Variants in CNTN3 observed in about 807,000 individuals in gnomAD.
CNTN3 encodes the protein contactin 3.
A neutral mutation model predicts 119.1 loss-of-function variants in CNTN3; 60 were observed. That is an observed-to-expected ratio of 0.50 (90% confidence interval 0.41 to 0.62). CNTN3 has a LOEUF of 0.62. Among genes scored for constraint, CNTN3 ranks in the 20% least tolerant of loss-of-function variants. CNTN3 has a pLI of 0.00. For missense variants in CNTN3, 1,101 were observed against 1,242.4 expected (o/e 0.89, Z 1.71); for synonymous variants, 450 against 438.7 (o/e 1.03, Z -0.32).
chr3:74,605,474 C>A (rs1423585813), intron 1 of CNTN3, among the ~76,000 whole-genome samples: 1 of 152,004 alleles, frequency 6.6e-6, no homozygotes, highest in Non-Finnish European at 1.5e-5. Context: ...GCATAAACTA[C>A]CCCCAAAATA....
At chr3:74,266,433 T>C (rs979936757) in intron 22 of CNTN3, 48 bp downstream of exon 22, 3 of 1,544,242 alleles carry the variant, frequency 1.9e-6, no homozygotes, top group African/African-American at 2.7e-5. Flanking sequence ...CTATGGCGGA[T>C]AGTAACACTG....
chr3:74,574,499 A>G, intron 1 of CNTN3, among the ~76,000 whole-genome samples: 1 of 152,184 alleles, frequency 6.6e-6, no homozygotes, highest in East Asian at 1.9e-4. Context: ...TCCCTGCTTT[A>G]TGTTTCATTA....
At position 74,486,546 on chromosome 3, in the gene CNTN3, T is replaced by G; in HGVS notation, c.268A>C (p.Asn90His). 6.2e-7 allele frequency: 1 copy of G among 1,610,618 alleles called. No homozygotes were observed. Among genetic ancestry groups the G allele is most frequent in the Non-Finnish European group, 8.5e-7 (1 of 1,179,248 alleles). Residue 90 changes from asparagine (N) to histidine (H), a missense_variant, in exon 4 of 23, where the codon AAC becomes CAC. Transcript: ENST00000263665. ...NGGNLVVINP[N>H]RNWDTGTYQC... ...TAAGTTCCTGTATCCCAATTTCTGT[T>G]GGGATTAATAACCACAAGATTTCCT...
At chr3:74,497,966 T>C (rs1407846725) in intron 3 of CNTN3, among the ~76,000 whole-genome samples, 1 of 151,854 alleles carries the variant, frequency 6.6e-6, no homozygotes, top group Non-Finnish European at 1.5e-5. Flanking sequence ...CTCAAGACCT[T>C]TGGCTATTTG....
chr3:74,264,457 G>C lies in CNTN3; in HGVS notation c.3031C>G (p.Pro1011Ala), dbSNP rs114454492. Residue 1011 changes from proline (P) to alanine (A), a missense_variant, in exon 23 of 23, where the codon CCT becomes GCT. Physicochemically the swap from Pro to Ala is conservative, Grantham distance 27. Coordinates refer to ENST00000263665, the MANE Select transcript of CNTN3 (RefSeq NM_020872.3). ...GSTSAISNVH[P>A]MSSYMPIVLF... ...ACTATAGGCATATAACTTGACATAG[G>C]GTGGACATTCGAGATGGCTGAAGTG... is the stretch of plus-strand genomic sequence containing the variant. 1 of 1,611,918 alleles carries C rather than the reference G, an allele frequency of 6.2e-7. No homozygotes were observed. The highest frequency in any genetic ancestry group is 8.5e-7 in the Non-Finnish European group (1 of 1,178,650).
At chr3:74,371,879 T>C (rs1704347176) in intron 5 of CNTN3, among the ~76,000 whole-genome samples, 1 of 152,130 alleles carries the variant, frequency 6.6e-6, no homozygotes, top group Admixed American at 6.5e-5. Flanking sequence ...TGCTCTCTTT[T>C]GTCCCTGAGT....
intron 2 of CNTN3, among the ~76,000 whole-genome samples, chr3:74,518,593 G>A (rs1298657813): frequency 3.3e-5 from 5 of 151,850 alleles, no homozygotes; most frequent in Admixed American, 3.3e-4. Flanking sequence ...GCAGTCCAGA[G>A]GCATTCTTGA....
intron 20 of CNTN3, among the ~76,000 whole-genome samples, chr3:74,277,794 G>GA (rs1246934672): frequency 2.0e-5 from 3 of 151,994 alleles, no homozygotes; most frequent in Non-Finnish European, 4.4e-5. Flanking sequence ...AAGAAATAAA[G>GA]GGCATCCAGA....
At chr3:74,352,876 C>T (rs1559559609) in intron 11 of CNTN3, among the ~76,000 whole-genome samples, 2 of 152,156 alleles carry the variant, frequency 1.3e-5, no homozygotes, top group South Asian at 2.1e-4. Flanking sequence ...TTCACTGAAA[C>T]TCACTGAGCT....
chr3:74,408,875 A>G (rs1701389357), intron 5 of CNTN3, among the ~76,000 whole-genome samples: 1 of 152,184 alleles, frequency 6.6e-6, no homozygotes, highest in Admixed American at 6.5e-5. Flanking sequence ...TTGTTTCCCC[A>G]AAGTCTTAAC....
rs1312487298 is a variant in CNTN3 at position 74,548,435 on chromosome 3, C to T, written c.-80-27243G>A. On this transcript the variant is annotated intron_variant, in intron 1 of 22. Transcript: ENST00000263665. Reference sequence around the variant, plus strand: ...CATTATCAAATGCTTTTTCAGTATCCATTTAATATAGGCATATGGTTTTTC... The same window carrying T: ...CATTATCAAATGCTTTTTCAGTATCTATTTAATATAGGCATATGGTTTTTC... 2.0e-5 allele frequency among the ~76,000 whole-genome samples: 3 copies of T among 152,194 alleles called. No individual in the cohort carries two copies. The East Asian group carries it at 5.8e-4, about 29-fold the overall frequency.
intron 20 of CNTN3, among the ~76,000 whole-genome samples, chr3:74,269,061 CA>C (rs1184956646): frequency 9.7e-5 from 13 of 134,710 alleles, no homozygotes; most frequent in East Asian, 2.2e-4. Context: ...AAAAAAAAAA[CA>C]AAAAAAAAGG....
At chr3:74,520,348 T>C (rs895976537) in intron 2 of CNTN3, among the ~76,000 whole-genome samples, 1 of 151,576 alleles carries the variant, frequency 6.6e-6, no homozygotes, top group African/African-American at 2.4e-5. Context: ...ATTCATTGTA[T>C]TATTGTTTCA....
intron 4 of CNTN3, among the ~76,000 whole-genome samples, chr3:74,453,341 T>C (rs1048411719): frequency 6.6e-6 from 1 of 152,188 alleles, no homozygotes; most frequent in Non-Finnish European, 1.5e-5. Context: ...TAGTTTGTAT[T>C]TCTGTGGGAT....
intron 20 of CNTN3, among the ~76,000 whole-genome samples, 153 bp downstream of exon 20, chr3:74,285,152 T>C (rs760517913): frequency 9.9e-5 from 15 of 152,168 alleles, no homozygotes; most frequent in Admixed American, 2.6e-4. Context: ...ACAAGGGTTT[T>C]GGAGTTGGGT....
In CNTN3 at chr3:74,359,790, T is replaced by A. The variant is rs75201661; in HGVS notation, c.1364+2100A>T. On this transcript the variant is annotated intron_variant, in intron 11 of 22. Coordinates refer to ENST00000263665, the MANE Select transcript of CNTN3 (RefSeq NM_020872.3). ...TTTAGCATTGTACAAAGCATTGATA[T>A]CCATGGGAAATAATCTCTATTTAAT... is the stretch of plus-strand genomic sequence containing the variant. Among the ~76,000 whole-genome samples, 235 of 152,228 alleles carry A rather than the reference T, an allele frequency of 1.5e-3. 5 individuals are homozygous for A. The East Asian group carries it at 0.038, about 25-fold the overall frequency.
chr3:74,286,825 G>A (rs762588470), intron 19 of CNTN3, among the ~76,000 whole-genome samples: 1 of 152,158 alleles, frequency 6.6e-6, no homozygotes, highest in Non-Finnish European at 1.5e-5. Context: ...GAGAGATACA[G>A]GCTATCTTCT....
intron 1 of CNTN3, among the ~76,000 whole-genome samples, chr3:74,593,196 T>C (rs1264604626): frequency 1.3e-5 from 2 of 151,962 alleles, no homozygotes; most frequent in African/African-American, 4.8e-5. Flanking sequence ...TTGTGGCTAA[T>C]TAATGACTTT....
At chr3:74,523,553 T>C (rs1228765211) in intron 1 of CNTN3, among the ~76,000 whole-genome samples, 1 of 151,864 alleles carries the variant, frequency 6.6e-6, no homozygotes, top group Non-Finnish European at 1.5e-5. Context: ...ACAGAAGTTA[T>C]AGCTATCCAG....
Sources: allele counts gnomAD v4.1 joint callset (sites outside exome capture counted in the v4.1 genomes callset), GRCh38; gene constraint gnomAD v4.1.1; transcripts MANE v1.5; gene names NCBI Gene and HGNC (gene_info 2026-07-23, HGNC 2026-07-21).